KCNIP4: variants seen among roughly 807,000 people sequenced by gnomAD.
KCNIP4 encodes the protein Kv channel-interacting protein 4.
A neutral mutation model predicts 34.0 loss-of-function variants in KCNIP4; 12 were observed. That is an observed-to-expected ratio of 0.35 (90% confidence interval 0.23 to 0.57). The LOEUF (loss-of-function observed/expected upper bound fraction) is 0.57. Ranked by LOEUF, KCNIP4 falls within the 20% of genes least tolerant of loss-of-function variation. The pLI, the probability that KCNIP4 is intolerant of heterozygous loss-of-function variation, is 0.83. For missense variants in KCNIP4, 238 were observed against 311.7 expected, an observed-to-expected ratio of 0.76 and a Z score of 1.78; for synonymous variants, 124 against 102.2, an observed-to-expected ratio of 1.21 and a Z score of -1.29.
intron 5 of KCNIP4, among the ~76,000 whole-genome samples, chr4:20,747,168 T>C (rs577249617): frequency 9.8e-5 from 15 of 152,312 alleles, no homozygotes; most frequent in African/African-American, 3.4e-4. Flanking sequence ...ATAAAAGCAA[T>C]GTTATGCATG....
intron 1 of KCNIP4, among the ~76,000 whole-genome samples, chr4:21,723,126 C>T (rs1714941671): frequency 6.6e-6 from 1 of 152,082 alleles, no homozygotes; most frequent in Non-Finnish European, 1.5e-5. Flanking sequence ...TGTCCCCAAT[C>T]CTATTCATTT....
intron 1 of KCNIP4, among the ~76,000 whole-genome samples, chr4:21,733,581 T>G (rs1715766283): frequency 6.6e-6 from 1 of 152,162 alleles, no homozygotes; most frequent in African/African-American, 2.4e-5. Context: ...AGCAGTATAA[T>G]TTTTGCAAGT....
intron 3 of KCNIP4, among the ~76,000 whole-genome samples, chr4:20,826,842 T>C (rs1717820364): frequency 6.6e-6 from 1 of 152,118 alleles, no homozygotes; most frequent in South Asian, 2.1e-4. Flanking sequence ...CCCCCTGAGA[T>C]AGGAAACAAG....
chr4:20,887,470 A>G (rs1390322596), intron 1 of KCNIP4, among the ~76,000 whole-genome samples: 3 of 151,924 alleles, frequency 2.0e-5, no homozygotes, highest in Non-Finnish European at 4.4e-5. Context: ...GCTGAAAATC[A>G]AAAATGAAAA....
At chr4:21,775,294 G>A (rs999906117) in intron 1 of KCNIP4, among the ~76,000 whole-genome samples, 5 of 152,104 alleles carry the variant, frequency 3.3e-5, no homozygotes, top group Admixed American at 6.5e-5. Flanking sequence ...GCCTGGAGAG[G>A]TCACTCAAGG....
chr4:21,027,262 C>A (rs1269398958), intron 1 of KCNIP4, among the ~76,000 whole-genome samples: 5 of 152,060 alleles, frequency 3.3e-5, no homozygotes, highest in African/African-American at 1.2e-4. Context: ...TGGCACATGG[C>A]CACACGTATT....
At position 21,159,356 on chromosome 4, in the gene KCNIP4, G is replaced by A. The variant is rs146172312; in HGVS notation, c.62-276647C>T. 5.2e-3 allele frequency among the ~76,000 whole-genome samples: 794 copies of A among 151,968 alleles called. 20 individuals are homozygous for A. The highest frequency in any genetic ancestry group is 0.018 in the African/African-American group (757 of 41,294). ...AGGCTAAGCAATGGAGGAAAATATC[G>A]TATTTTTAGAAAATTATACTAAAGA... On this transcript the variant is annotated intron_variant, in intron 1 of 8. Coordinates refer to ENST00000382152, the MANE Select transcript of KCNIP4 (RefSeq NM_025221.6).
At chr4:21,129,496 T>C (rs1750896691) in intron 1 of KCNIP4, among the ~76,000 whole-genome samples, 1 of 152,186 alleles carries the variant, frequency 6.6e-6, no homozygotes, top group African/African-American at 2.4e-5. Context: ...AAACTTCAGA[T>C]CTCTCTGACC....
intron 4 of KCNIP4, among the ~76,000 whole-genome samples, chr4:20,753,906 GTTCATTCATTCA>G (rs3835144): frequency 1.9e-4 from 29 of 151,302 alleles, no homozygotes; most frequent in South Asian, 1.5e-3. Flanking sequence ...GAGCTCATTT[GTTCATTCATTCA>G]TTCATTCATT....
intron 1 of KCNIP4, among the ~76,000 whole-genome samples, chr4:21,522,072 A>G (rs1044580740): frequency 6.6e-6 from 1 of 152,178 alleles, no homozygotes; most frequent in Admixed American, 6.5e-5. Flanking sequence ...TGTCTGTTAT[A>G]GTTACTGCTG....
At chr4:21,901,068 T>C (rs976631888) in intron 1 of KCNIP4, among the ~76,000 whole-genome samples, 17 of 152,212 alleles carry the variant, frequency 1.1e-4, no homozygotes, top group African/African-American at 4.1e-4. Flanking sequence ...ATACTTTCAG[T>C]TATTGAGATA....
intron 1 of KCNIP4, among the ~76,000 whole-genome samples, chr4:21,681,890 A>AT (rs1750389021): frequency 6.9e-6 from 1 of 145,800 alleles, no homozygotes; most frequent in East Asian, 2.1e-4. Flanking sequence ...TTTTATTTTT[A>AT]TTTATTTATT....
At chr4:20,805,507 G>C (rs934429005) in intron 3 of KCNIP4, among the ~76,000 whole-genome samples, 4 of 151,852 alleles carry the variant, frequency 2.6e-5, no homozygotes, top group African/African-American at 9.7e-5. Flanking sequence ...TTGAGGTTTG[G>C]GTTGGATATT....
At chr4:21,118,217 C>T (rs1048965523) in intron 1 of KCNIP4, among the ~76,000 whole-genome samples, 1 of 152,140 alleles carries the variant, frequency 6.6e-6, no homozygotes, top group African/African-American at 2.4e-5. Context: ...CCAGTCAGAG[C>T]ATCTGTGACA....
chr4:20,737,657 T>C (rs1261807375), intron 5 of KCNIP4, among the ~76,000 whole-genome samples: 5 of 152,110 alleles, frequency 3.3e-5, no homozygotes, highest in African/African-American at 1.2e-4. Context: ...GAGGTAAGAA[T>C]CTGAGGTTTG....
intron 1 of KCNIP4, among the ~76,000 whole-genome samples, chr4:21,298,044 C>T (rs561408035): frequency 2.0e-5 from 3 of 152,228 alleles, no homozygotes; most frequent in African/African-American, 7.2e-5. Context: ...AGTTATTATT[C>T]TCCCTGAACT....
At chr4:21,213,159 C>A (rs1216649088) in intron 1 of KCNIP4, among the ~76,000 whole-genome samples, 2 of 152,112 alleles carry the variant, frequency 1.3e-5, no homozygotes, top group Non-Finnish European at 2.9e-5. Flanking sequence ...GAGATATCAT[C>A]GTATATTTTA....
chr4:21,426,764 TAA>T lies in KCNIP4; in HGVS notation c.61+521805_61+521806del, dbSNP rs35747905. 1.0e-4 allele frequency among the ~76,000 whole-genome samples: 15 copies of T among 147,236 alleles called. No individual in the cohort carries two copies. The East Asian group carries it at 1.2e-3, about 12-fold the overall frequency. On this transcript the variant is annotated intron_variant, in intron 1 of 8. Coordinates refer to ENST00000382152, the MANE Select transcript of KCNIP4 (RefSeq NM_025221.6). Reference sequence around the variant, plus strand: ...GTTTTAAGCACTGGGGATAAACATGTAAAAAAAAAAAATTAGTTTTAAGGCTT... The same window carrying T: ...GTTTTAAGCACTGGGGATAAACATGTAAAAAAAAAATTAGTTTTAAGGCTT...
chr4:21,626,264 T>C (rs939795890), intron 1 of KCNIP4, among the ~76,000 whole-genome samples: 14 of 151,978 alleles, frequency 9.2e-5, no homozygotes, highest in African/African-American at 3.4e-4. Context: ...TAATCCTCAA[T>C]GTGATGGTAC....
Sources: allele counts gnomAD v4.1 joint callset (sites outside exome capture counted in the v4.1 genomes callset), GRCh38; gene constraint gnomAD v4.1.1; transcripts MANE v1.5; gene names NCBI Gene and HGNC (gene_info 2026-07-23, HGNC 2026-07-21).